Variants in ANK2 observed in about 807,000 individuals in gnomAD.
The protein encoded by ANK2 is ankyrin-2.
Under a neutral mutation model 360.5 loss-of-function variants are expected in ANK2, and 83 were observed. The ratio of observed to expected loss-of-function variants is 0.23; its 90% CI spans 0.19 to 0.28. The LOEUF is 0.28. Among genes scored for constraint, ANK2 ranks in the 10% least tolerant of loss-of-function variants. The pLI is 1.00. For missense variants in ANK2, 4,201 were observed against 4,795.7 expected (o/e 0.88, Z 3.66); for synonymous variants, 1,740 against 1,759.5 (o/e 0.99, Z 0.28).
intron 1 of ANK2, among the ~76,000 whole-genome samples, chr4:112,871,478 C>T (rs527716604): frequency 2.6e-5 from 4 of 152,272 alleles, no homozygotes; most frequent in African/African-American, 9.6e-5. Context: ...TGAGCCACCA[C>T]GCCTGGCCTT....
chr4:113,258,561 A>C, intron 13 of ANK2, 150 bp downstream of exon 13: 2 of 791,914 alleles, frequency 2.5e-6, no homozygotes, highest in South Asian at 2.9e-5. Flanking sequence ...TATTGAAATA[A>C]TCACCAGAAC....
chr4:113,269,915 CTTG>C (rs1426755097), intron 14 of ANK2, among the ~76,000 whole-genome samples: 3 of 152,200 alleles, frequency 2.0e-5, no homozygotes, highest in Admixed American at 6.5e-5. Context: ...TAACATTACT[CTTG>C]TTGTCTTGGT....
the ANK2 span, among the ~76,000 whole-genome samples, chr4:112,729,510 C>T: frequency 6.6e-6 from 1 of 152,078 alleles, no homozygotes; most frequent in African/African-American, 2.4e-5. Context: ...AATCCCAGCA[C>T]TTTGGGAGGC....
chr4:113,223,935 CAT>C (rs1472470366), intron 4 of ANK2, among the ~76,000 whole-genome samples: 2 of 152,176 alleles, frequency 1.3e-5, no homozygotes, highest in Non-Finnish European at 2.9e-5. Flanking sequence ...GATTCTTTCA[CAT>C]GTTTGGCATG....
At chr4:113,367,886 C>T (rs963267738) in intron 42 of ANK2, 35 bp downstream of exon 42, 18 of 1,612,008 alleles carry the variant, frequency 1.1e-5, no homozygotes, top group Non-Finnish European at 1.4e-5. Context: ...AAATGTAATA[C>T]CAAAGAAACA....
intron 4 of ANK2, among the ~76,000 whole-genome samples, chr4:113,207,316 A>G (rs2098963665): frequency 6.6e-6 from 1 of 152,186 alleles, no homozygotes; most frequent in African/African-American, 2.4e-5. Context: ...ACATCATCAC[A>G]TCTAAAATCT....
intron 1 of ANK2, chr4:113,106,930 G>GTAATAAATC: frequency 3.8e-6 from 2 of 533,024 alleles, no homozygotes; most frequent in South Asian, 2.8e-5. Flanking sequence ...CTTTGCTTTG[G>GTAATAAATC]TAATAAATCT....
intron 2 of ANK2, among the ~76,000 whole-genome samples, chr4:112,922,471 T>C (rs750707400): frequency 9.2e-5 from 14 of 152,194 alleles, no homozygotes; most frequent in Non-Finnish European, 1.3e-4. Flanking sequence ...TGAGAAACTT[T>C]TACCTTCAGC....
intron 2 of ANK2, among the ~76,000 whole-genome samples, chr4:112,968,840 T>A (rs1192216138): frequency 6.6e-6 from 1 of 152,200 alleles, no homozygotes; most frequent in Non-Finnish European, 1.5e-5. Context: ...TCTCTACTTA[T>A]ACTGATTTTA....
intron 1 of ANK2, among the ~76,000 whole-genome samples, chr4:113,121,978 A>G (rs1288110793): frequency 6.6e-6 from 1 of 152,174 alleles, no homozygotes; most frequent in East Asian, 1.9e-4. Flanking sequence ...GGAGCAATGA[A>G]GATTTTTAGA....
intron 1 of ANK2, among the ~76,000 whole-genome samples, chr4:113,055,081 A>G (rs1393510655): frequency 3.9e-5 from 6 of 152,030 alleles, no homozygotes; most frequent in Admixed American, 3.9e-4. Flanking sequence ...ACTCTTTCTT[A>G]TGCATACTCA....
chr4:113,175,102 A>T (rs1374841423), intron 2 of ANK2, among the ~76,000 whole-genome samples: 3 of 152,128 alleles, frequency 2.0e-5, no homozygotes, highest in Non-Finnish European at 4.4e-5. Context: ...TAAGATTTTT[A>T]CATCATGAAT....
chr4:113,354,731 C>T lies in ANK2; in HGVS notation c.6113C>T (p.Thr2038Ile). Residue 2038 changes from threonine to isoleucine, a missense_variant, in exon 38 of 46, where the codon ACC becomes ATC. Physicochemically the swap from Thr to Ile is moderately conservative, Grantham distance 89. Around this residue, in one of 4 missense-constraint regions of ANK2, gnomAD observed 2,642 missense variants for 2,714.5 expected, o/e 0.97. Coordinates refer to ENST00000357077, the MANE Select transcript of ANK2 (RefSeq NM_001148.6). ...RVEKEKGPIL[T>I]QREAQKTENQ... ...GAAAAAGAAAAGGGGCCGATACTAA[C>T]CCAGAGAGAAGCTCAGAAAACAGAG... 6.2e-7 allele frequency: 1 copy of T among 1,613,626 alleles called. No individual in the cohort carries two copies. Among genetic ancestry groups the T allele is most frequent in the Non-Finnish European group, 8.5e-7 (1 of 1,179,912 alleles).
intron 22 of ANK2, among the ~76,000 whole-genome samples, chr4:113,300,498 C>T (rs2153786594): frequency 6.6e-6 from 1 of 152,328 alleles, no homozygotes; most frequent in Non-Finnish European, 1.5e-5. Flanking sequence ...AAATGACTCA[C>T]ACTCTCATGT....
intron 14 of ANK2, among the ~76,000 whole-genome samples, chr4:113,273,191 G>T (rs1189389177): frequency 6.6e-6 from 1 of 152,082 alleles, no homozygotes; most frequent in South Asian, 2.1e-4. Flanking sequence ...TTCAAGTTCT[G>T]TTTTAATAGC....
At chr4:112,833,642 C>T (rs553354450) in intron 1 of ANK2, among the ~76,000 whole-genome samples, 1 of 152,134 alleles carries the variant, frequency 6.6e-6, no homozygotes, top group Non-Finnish European at 1.5e-5. Flanking sequence ...TACCTGGGAC[C>T]ACAGGCGCCC....
intron 1 of ANK2, among the ~76,000 whole-genome samples, chr4:113,075,500 A>T (rs1251082914): frequency 6.6e-6 from 1 of 151,990 alleles, no homozygotes; most frequent in Non-Finnish European, 1.5e-5. Flanking sequence ...ATGCATTATG[A>T]TCTCCTGTGC....
At chr4:113,316,083 A>G (rs1484396658) in intron 24 of ANK2, among the ~76,000 whole-genome samples, 1 of 152,190 alleles carries the variant, frequency 6.6e-6, no homozygotes, top group Non-Finnish European at 1.5e-5. Flanking sequence ...ATCAAAAGCT[A>G]AATGTAAAAC....
At chr4:113,366,864 T>C (rs1018597186) in intron 41 of ANK2, among the ~76,000 whole-genome samples, 9 of 152,194 alleles carry the variant, frequency 5.9e-5, no homozygotes, top group Non-Finnish European at 1.2e-4. Flanking sequence ...TCTTATATCT[T>C]GTTCACTGCT....
Sources: allele counts gnomAD v4.1 joint callset (sites outside exome capture counted in the v4.1 genomes callset), GRCh38; gene constraint gnomAD v4.1.1; regional missense constraint gnomAD v4.1.1; transcripts MANE v1.5; gene names NCBI Gene and HGNC (gene_info 2026-07-23, HGNC 2026-07-21).